The following KREMEN2 variants were observed in gnomAD, a reference collection of about 807,000 sequenced individuals.
KREMEN2 encodes kringle containing transmembrane protein 2, also known as kremen protein 2.
In KREMEN2, 43 loss-of-function variants were observed where a neutral mutation model predicts 49.8. That is an observed-to-expected ratio of 0.86 (90% confidence interval 0.68 to 1.11). KREMEN2 has a LOEUF of 1.11. Ranked by LOEUF, KREMEN2 falls within the 50% of genes most tolerant of loss-of-function variation. The pLI is 0.00. For synonymous variants in KREMEN2, 355 were observed against 304.9 expected, an observed-to-expected ratio of 1.16 and a Z score of -1.71; for missense variants, 686 against 665.7, an observed-to-expected ratio of 1.03 and a Z score of -0.34.
In KREMEN2 at chr16:2,966,834, C is replaced by G. The variant is rs747093295; in HGVS notation, c.640+39C>G. 5 of 1,596,550 alleles carry G rather than the reference C, an allele frequency of 3.1e-6. No homozygotes were observed. The highest frequency in any genetic ancestry group is 4.3e-6 in the Non-Finnish European group (5 of 1,172,414). ...GGGGACCAGGGGCCTGGGCGGGCCT[C>G]GAGGTGGGGCCTGGCCGGGCAGGGG... On this transcript the variant is annotated intron_variant, in intron 5 of 8. Coordinates refer to ENST00000303746, the MANE Select transcript of KREMEN2 (RefSeq NM_172229.3). This position sits in a 1 kb window ranked among gnomAD's most constrained non-coding sequence, Gnocchi z 8.4.
rs1377155458 is a variant in KREMEN2 at position 2,968,221 on chromosome 16, C to T, written c.*201C>T. 1.1e-6 allele frequency: 1 copy of T among 887,848 alleles called. No individual in the cohort carries two copies. The highest frequency in any genetic ancestry group is 1.6e-5 in the South Asian group (1 of 64,474). 55.0% of individuals were successfully genotyped at this position (887,848 alleles called of 1,614,324 possible). A position where few individuals can be genotyped will look rare whatever the true frequency, so the allele number is the denominator to read the frequency against. ...ACCGTGGGGGTCCAGATGGTCCAGG[C>T]CCTCTCCATGGACCTGTATGTGGGG... On this transcript the variant is annotated 3_prime_UTR_variant, in exon 9 of 9. Transcript: ENST00000303746.
chr16:2,966,037 GCA>G lies in KREMEN2; in HGVS notation c.270-100_270-99del. ...CAGCAGGCAGCACAGCCGCTCACAGGCACAGAGCCTTGAAGGCCACTTTGAGC... is the reference window on the plus strand; with the variant it reads ...CAGCAGGCAGCACAGCCGCTCACAGGCAGAGCCTTGAAGGCCACTTTGAGC... On this transcript the variant is annotated intron_variant, in intron 2 of 8. Coordinates refer to ENST00000303746, the MANE Select transcript of KREMEN2 (RefSeq NM_172229.3). The surrounding 1 kb of genome is among the most constrained non-coding windows in gnomAD (Gnocchi z 8.4). 1.0e-6 allele frequency: 1 copy of G among 995,254 alleles called. No homozygotes were observed. The allele number at this position is 995,254 out of a possible 1,614,324, so 61.7% of individuals were successfully genotyped here.
Position 2,966,149 on chromosome 16 carries a change from C to T in KREMEN2, c.279C>T (p.Asp93=), listed in dbSNP as rs760734566. 1.2e-6 allele frequency: 2 copies of T among 1,611,980 alleles called. No homozygotes were observed. Among genetic ancestry groups the T allele is most frequent in the South Asian group, 1.1e-5 (1 of 91,024 alleles). ...TCCCTCCCACCCGCAGTAACCCAGA[C>T]GGTGACGTGCAGCCGTGGTGCTACG... is the stretch of plus-strand genomic sequence containing the variant. ...LGAHNFCRNP[D]GDVQPWCYVA... Residue 93 remains aspartate, a synonymous_variant, in exon 3 of 9, where the codon GAC becomes GAT. Transcript: ENST00000303746. The surrounding 1 kb of genome is among the most constrained non-coding windows in gnomAD (Gnocchi z 8.4).
In KREMEN2 at chr16:2,967,213, A is replaced by C; in HGVS notation, c.944A>C (p.His315Pro). Residue 315 changes from histidine to proline, a missense_variant, in exon 6 of 9, where the codon CAC becomes CCC. By Grantham distance (77) the His-to-Pro change is moderately conservative. Coordinates refer to ENST00000303746, the MANE Select transcript of KREMEN2 (RefSeq NM_172229.3). ...ACCTTCCGAAGCGACGCGCGCGGCCACGCGCAAGGCTTCGCGCTCACCTAC... is the reference window on the plus strand; with the variant it reads ...ACCTTCCGAAGCGACGCGCGCGGCCCCGCGCAAGGCTTCGCGCTCACCTAC... ...LLTFRSDARG[H>P]AQGFALTYRG... 1 of 1,353,376 alleles carries C rather than the reference A, an allele frequency of 7.4e-7. No individual in the cohort carries two copies. The highest frequency in any genetic ancestry group is 9.4e-7 in the Non-Finnish European group (1 of 1,062,040). The allele number at this position is 1,353,376 out of a possible 1,614,324, so 83.8% of individuals were successfully genotyped here. A position where few individuals can be genotyped will look rare whatever the true frequency, so the allele number is the denominator to read the frequency against.
intron 2 of KREMEN2, 28 bp downstream of exon 2, chr16:2,965,061 G>A (rs997396398): frequency 1.1e-4 from 165 of 1,490,810 alleles, no homozygotes; most frequent in Non-Finnish European, 1.4e-4. Flanking sequence ...CGCTGGGGGC[G>A]AGGCTGGGCT....
At chr16:2,967,714 T>C in intron 8 of KREMEN2, 96 bp from the exon 9 acceptor site, 3 of 1,547,540 alleles carry the variant, frequency 1.9e-6, no homozygotes, top group Non-Finnish European at 2.6e-6. Context: ...GAGCGAGGCT[T>C]TGGGTCCACG....
At position 2,966,713 on chromosome 16, in the gene KREMEN2, C is replaced by A. The variant is rs200534372; in HGVS notation, c.558C>A (p.Ala186=). The change falls in exon 5 of 9, where the codon GCC becomes GCA. Residue 186 remains alanine (A), a synonymous_variant. Coordinates refer to ENST00000303746, the MANE Select transcript of KREMEN2 (RefSeq NM_172229.3). The surrounding 1 kb of genome is among the most constrained non-coding windows in gnomAD (Gnocchi z 8.4). ...SESDLARGRL[A]PATDCDQICF... is the part of the protein sequence containing the mutation. ...GCGACCTGGCCCGGGGACGCCTGGC[C>A]CCCGCCACCGACTGTGACCAGATCT... The A allele has an allele frequency of 2.5e-5, 40 of 1,611,740 alleles. No homozygotes were observed. In the African/African-American group the frequency reaches 5.1e-4, roughly 20 times the overall value.
rs7203326 is a variant in KREMEN2, at chr16:2,968,327, G to A, written c.*307G>A. 58,436 of 1,530,224 alleles carry A rather than the reference G, an allele frequency of 0.038. 4,757 individuals carry two copies. The highest frequency in any genetic ancestry group is 0.34 in the African/African-American group (24,540 of 72,994). The allele number at this position is 1,530,224 out of a possible 1,614,324, so 94.8% of individuals were successfully genotyped here. The stretch of plus-strand genomic sequence containing the variant: ...GTCCTCAGTGAGAGGTCACAGGTCA[G>A]CAAAAACAGTCAAAAAACCCCCACA... On this transcript the variant is annotated 3_prime_UTR_variant, in exon 9 of 9. Transcript: ENST00000303746.
At position 2,964,358 on chromosome 16, in the gene KREMEN2, A is replaced by G. The variant is rs1259404008; in HGVS notation, c.-163A>G. The G allele has an allele frequency of 1.3e-5, 7 of 546,766 alleles. No homozygotes were observed. The highest frequency in any genetic ancestry group is 3.2e-5 in the East Asian group (1 of 30,800). The allele number at this position is 546,766 out of a possible 1,614,324, so 33.9% of individuals were successfully genotyped here. On this transcript the variant is annotated 5_prime_UTR_variant, in exon 1 of 9. Transcript: ENST00000303746. ...GAGGCCCTGGGAGGCAAAGACCCCC[A>G]GGAGAGATTTACCCACCCCAGACGG...
chr16:2,966,277 G>T lies in KREMEN2; in HGVS notation c.361+46G>T, dbSNP rs767921704. On this transcript the variant is annotated intron_variant, in intron 3 of 8. Transcript: ENST00000303746. This position sits in a 1 kb window ranked among gnomAD's most constrained non-coding sequence, Gnocchi z 8.4. ...GAGGTGGGAACGCTGCTGCATCTGG[G>T]AGGAGGGTTGTTTTCGGAGTCACGG... The T allele has an allele frequency of 6.2e-7, 1 of 1,613,244 alleles. No individual in the cohort carries two copies. Among genetic ancestry groups the T allele is most frequent in the Non-Finnish European group, 8.5e-7 (1 of 1,179,922 alleles).
At position 2,967,545 on chromosome 16, in the gene KREMEN2, G is replaced by A. The variant is rs2071856361; in HGVS notation, c.1119G>A (p.Val373=). The A allele has an allele frequency of 3.3e-6, 5 of 1,532,326 alleles. No homozygotes were observed. The highest frequency in any genetic ancestry group is 4.4e-6 in the Non-Finnish European group (5 of 1,145,496). 94.9% of individuals were successfully genotyped at this position (1,532,326 alleles called of 1,614,324 possible). ...CCGCAGCCCGGGTCTTCTCGACGGTGACGGCTGTCTCGGTGCTGCTGCTGC... is the reference window on the plus strand; with the variant it reads ...CCGCAGCCCGGGTCTTCTCGACGGTAACGGCTGTCTCGGTGCTGCTGCTGC... ...AAIGARVFST[V]TAVSVLLLLL... Residue 373 remains valine (V), a synonymous_variant, in exon 8 of 9, where the codon GTG becomes GTA. Coordinates refer to ENST00000303746, the MANE Select transcript of KREMEN2 (RefSeq NM_172229.3).
Position 2,967,269 on chromosome 16 carries a change from C to T in KREMEN2, c.973+27C>T, listed in dbSNP as rs777985385. The T allele has an allele frequency of 3.7e-6, 5 of 1,358,484 alleles. No individual in the cohort carries two copies. The South Asian group carries it at 9.0e-5, about 24-fold the overall frequency. The allele number at this position is 1,358,484 out of a possible 1,614,324, so 84.2% of individuals were successfully genotyped here. A position where few individuals can be genotyped will look rare whatever the true frequency, so the allele number is the denominator to read the frequency against. ...TGAGCCTCAGCTCGGCGCGCCCTGC[C>T]CGCTGTTCCCACCCCGCTCTCCCCA... On this transcript the variant is annotated intron_variant, in intron 6 of 8. Transcript: ENST00000303746.
Position 2,966,739 on chromosome 16 carries a change from G to GT in KREMEN2, c.587dup (p.Gly197ArgfsTer17). ...CCCGCCACCGACTGTGACCAGATCTGTTTCGGCCACCCTGGACAGCTGTGT... is the reference window on the plus strand; with the variant it reads ...CCCGCCACCGACTGTGACCAGATCTGTTTTCGGCCACCCTGGACAGCTGTGT... On this transcript the variant is annotated frameshift_variant, in exon 5 of 9. Coordinates refer to ENST00000303746, the MANE Select transcript of KREMEN2 (RefSeq NM_172229.3). LOFTEE classifies it high-confidence loss of function. The surrounding 1 kb of genome is among the most constrained non-coding windows in gnomAD (Gnocchi z 8.4). 1 of 1,612,114 alleles carries GT rather than the reference G, an allele frequency of 6.2e-7. No individual in the cohort carries two copies. The highest frequency in any genetic ancestry group is 8.5e-7 in the Non-Finnish European group (1 of 1,179,878).
chr16:2,967,090 T>C lies in KREMEN2; in HGVS notation c.821T>C (p.Leu274Pro), dbSNP rs1384681018. 2 of 1,496,854 alleles carry C rather than the reference T, an allele frequency of 1.3e-6. No homozygotes were observed. The highest frequency in any genetic ancestry group is 1.8e-6 in the Non-Finnish European group (2 of 1,129,856). 92.7% of individuals were successfully genotyped at this position (1,496,854 alleles called of 1,614,324 possible). A position where few individuals can be genotyped will look rare whatever the true frequency, so the allele number is the denominator to read the frequency against. The stretch of plus-strand genomic sequence containing the variant: ...GCCGACCCGCGCGACCGGCTGGAGC[T>C]GCGCGACGCGGCTTCGGGCAGCCTG... The part of the protein sequence containing the change: ...ELADPRDRLE[L>P]RDAASGSLLR... Residue 274 changes from leucine to proline, a missense_variant, in exon 6 of 9, where the codon CTG (leucine) becomes CCG (proline). By Grantham distance (98) the Leu-to-Pro change is moderately conservative. Coordinates refer to ENST00000303746, the MANE Select transcript of KREMEN2 (RefSeq NM_172229.3).
rs767992451 is a variant in KREMEN2 at position 2,966,392 on chromosome 16, C to G, written c.429C>G (p.Thr143=). ...APPALSGPSG[T]STKLTVQVCL... ...CAGCCCTCAGCGGCCCCAGCGGCACCTCCACGAAGCTCACGGTCCAGGTGT... is the reference window on the plus strand; with the variant it reads ...CAGCCCTCAGCGGCCCCAGCGGCACGTCCACGAAGCTCACGGTCCAGGTGT... The change falls in exon 4 of 9, where the codon ACC becomes ACG. Residue 143 remains threonine (T), a synonymous_variant. Transcript: ENST00000303746. This position sits in a 1 kb window ranked among gnomAD's most constrained non-coding sequence, Gnocchi z 8.4. 6.2e-6 allele frequency: 10 copies of G among 1,611,302 alleles called. No homozygotes were observed. Among genetic ancestry groups the G allele is most frequent in the African/African-American group, 4.0e-5 (3 of 74,846 alleles).
chr16:2,966,839 T>G lies in KREMEN2; in HGVS notation c.640+44T>G, dbSNP rs1243595295. ...CCAGGGGCCTGGGCGGGCCTCGAGG[T>G]GGGGCCTGGCCGGGCAGGGGAGCCG... is the stretch of plus-strand genomic sequence containing the variant. On this transcript the variant is annotated intron_variant, in intron 5 of 8. Transcript: ENST00000303746. The surrounding 1 kb of genome is among the most constrained non-coding windows in gnomAD (Gnocchi z 8.4). 12 of 1,592,048 alleles carry G rather than the reference T, an allele frequency of 7.5e-6. No individual in the cohort carries two copies. The highest frequency in any genetic ancestry group is 1.0e-5 in the Non-Finnish European group (12 of 1,170,202).
rs1346797763 is a variant in KREMEN2 at position 2,966,036 on chromosome 16, G to A, written c.270-104G>A. The stretch of plus-strand genomic sequence containing the variant: ...ACAGCAGGCAGCACAGCCGCTCACA[G>A]GCACAGAGCCTTGAAGGCCACTTTG... On this transcript the variant is annotated intron_variant, in intron 2 of 8. Transcript: ENST00000303746. The surrounding 1 kb of genome is among the most constrained non-coding windows in gnomAD (Gnocchi z 8.4). 1.0e-6 allele frequency: 1 copy of A among 989,154 alleles called. No homozygotes were observed. The highest frequency in any genetic ancestry group is 1.6e-6 in the Non-Finnish European group (1 of 635,610). The allele number at this position is 989,154 out of a possible 1,614,324, so 61.3% of individuals were successfully genotyped here.
Position 2,964,453 on chromosome 16 carries a change from C to A in KREMEN2, c.-68C>A. The A allele has an allele frequency of 8.2e-7, 1 of 1,212,930 alleles. No homozygotes were observed. The highest frequency in any genetic ancestry group is 1.1e-6 in the Non-Finnish European group (1 of 870,508). The allele number at this position is 1,212,930 out of a possible 1,614,324, so 75.1% of individuals were successfully genotyped here. The stretch of plus-strand genomic sequence containing the variant: ...ACGCCCCCTAGGTCTCCTGGGAGAC[C>A]CCGAAGCGACCCCGGGGGCAGCCCG... On this transcript the variant is annotated 5_prime_UTR_variant, in exon 1 of 9. Coordinates refer to ENST00000303746, the MANE Select transcript of KREMEN2 (RefSeq NM_172229.3).
Position 2,966,532 on chromosome 16 carries a change from C to G in KREMEN2, c.486+83C>G. ...ACTCCCAACACTCGGTTGCCAAACC[C>G]AGACACCGGTTTCTGAACCTCCAGC... On this transcript the variant is annotated intron_variant, in intron 4 of 8. Transcript: ENST00000303746. This position sits in a 1 kb window ranked among gnomAD's most constrained non-coding sequence, Gnocchi z 8.4. 6.3e-7 allele frequency: 1 copy of G among 1,588,614 alleles called. No homozygotes were observed. The highest frequency in any genetic ancestry group is 8.5e-7 in the Non-Finnish European group (1 of 1,171,554).
Sources: allele counts gnomAD v4.1 joint callset, GRCh38; gene constraint gnomAD v4.1.1; non-coding constraint Gnocchi (gnomAD v3.1); transcripts MANE v1.5; gene names NCBI Gene and HGNC (gene_info 2026-07-23, HGNC 2026-07-21).